The following DKK3 variants were observed in gnomAD, a reference collection of about 807,000 sequenced individuals.
DKK3 encodes dickkopf Wnt signaling pathway inhibitor 3.
A neutral mutation model predicts 33.2 loss-of-function variants in DKK3; 22 were observed. The observed-to-expected ratio is 0.66, with a 90% confidence interval of 0.47 to 0.95. DKK3 has a LOEUF of 0.95. Among genes scored for constraint, DKK3 ranks in the 40% least tolerant of loss-of-function variants. DKK3 has a pLI of 0.00. For synonymous variants in DKK3, 194 were observed against 188.8 expected (o/e 1.03, Z -0.23); for missense variants, 398 against 458.4 (o/e 0.87, Z 1.20).
At chr11:11,999,850 A>G (rs981591214) in intron 2 of DKK3, among the ~76,000 whole-genome samples, 2 of 152,226 alleles carry the variant, frequency 1.3e-5, no homozygotes, top group African/African-American at 4.8e-5. Context: ...TGCAGCCAGG[A>G]CAAAGTGGAA....
intron 3 of DKK3, 28 bp from the exon 4 acceptor site, chr11:11,968,515 G>C: frequency 6.2e-7 from 1 of 1,603,342 alleles, no homozygotes; most frequent in South Asian, 1.1e-5. Flanking sequence ...GAGCAGATGT[G>C]TCAATGGAGA....
At chr11:11,997,060 C>T (rs78647108) in intron 3 of DKK3, among the ~76,000 whole-genome samples, 2,006 of 152,328 alleles carry the variant, frequency 0.013, 32 homozygotes, top group African/African-American at 0.045. Flanking sequence ...GACTAAAAGG[C>T]ACCAACTGGA....
chr11:11,966,896 T>C (rs1590497212), intron 5 of DKK3, 58 bp downstream of exon 5: 1 of 1,591,592 alleles, frequency 6.3e-7, no homozygotes, highest in Non-Finnish European at 8.6e-7. Flanking sequence ...CTCCAGGAGG[T>C]CCAGTGTGGT....
intron 3 of DKK3, chr11:11,998,461 GA>G: frequency 1.7e-6 from 1 of 598,166 alleles, no homozygotes; most frequent in Non-Finnish European, 3.0e-6. Context: ...CCATGCAAAT[GA>G]CCACTCAATT....
intron 3 of DKK3, among the ~76,000 whole-genome samples, chr11:11,984,318 G>A (rs1007636249): frequency 2.6e-5 from 4 of 152,122 alleles, no homozygotes; most frequent in African/African-American, 7.2e-5. Flanking sequence ...AAGACCTATC[G>A]GCAACTCTGA....
upstream of DKK3, chr11:12,009,426 A>C: frequency 6.7e-6 from 6 of 898,648 alleles, no homozygotes; most frequent in Non-Finnish European, 6.5e-6. Flanking sequence ...GAGGGGCCGC[A>C]GCCCGGCCAT....
chr11:12,000,408 T>C (rs776619256), intron 2 of DKK3, among the ~76,000 whole-genome samples: 3 of 152,192 alleles, frequency 2.0e-5, no homozygotes, highest in Non-Finnish European at 4.4e-5. Context: ...GGTTTCGCCA[T>C]GTTGGCCAGG....
In DKK3 at chr11:11,964,348, A is replaced by G; in HGVS notation, c.*116T>C. ...ACCTCATGCTGTCAAGCCAGAGGGG[A>G]AACTTACTGGGAAGAAGATGTAGGA... On this transcript the variant is annotated 3_prime_UTR_variant, in exon 7 of 7. Coordinates refer to ENST00000683431, the MANE Select transcript of DKK3 (RefSeq NM_001018057.2). The G allele has an allele frequency of 7.4e-7, 1 of 1,347,692 alleles. No homozygotes were observed. Among genetic ancestry groups the G allele is most frequent in the Non-Finnish European group, 1.0e-6 (1 of 989,954 alleles). The allele number at this position is 1,347,692 out of a possible 1,614,324, so 83.5% of individuals were successfully genotyped here.
chr11:11,995,580 A>G (rs1273381072), intron 3 of DKK3, among the ~76,000 whole-genome samples: 1 of 152,270 alleles, frequency 6.6e-6, no homozygotes, highest in African/African-American at 2.4e-5. Context: ...GATGTGTGCC[A>G]TCAAAAGGGT....
chr11:11,968,691 G>A, intron 3 of DKK3: 1 of 499,316 alleles, frequency 2.0e-6, no homozygotes, highest in East Asian at 3.5e-5. Context: ...AGGAGGCTTG[G>A]CAGCCCAGAG....
chr11:12,002,635 A>C (rs760079528), intron 1 of DKK3, among the ~76,000 whole-genome samples, 198 bp from the exon 2 acceptor site: 1 of 152,194 alleles, frequency 6.6e-6, no homozygotes, highest in Non-Finnish European at 1.5e-5. Flanking sequence ...AAATTTCACA[A>C]TCTCTCTGGG....
At chr11:12,004,691 T>C (rs961009349) in intron 1 of DKK3, among the ~76,000 whole-genome samples, 4 of 152,174 alleles carry the variant, frequency 2.6e-5, no homozygotes, top group Non-Finnish European at 5.9e-5. Flanking sequence ...CCTACTTTGT[T>C]GAGTAGATAT....
chr11:11,994,835 A>T (rs138267846), intron 3 of DKK3: 2 of 152,256 alleles, frequency 1.3e-5, no homozygotes, highest in East Asian at 3.9e-4. Flanking sequence ...TCACTGCTCC[A>T]TGGGAAAAGA....
intron 4 of DKK3, among the ~76,000 whole-genome samples, chr11:11,967,813 A>G (rs1847634414): frequency 6.6e-6 from 1 of 152,184 alleles, no homozygotes; most frequent in Non-Finnish European, 1.5e-5. Context: ...TCTAACCTGC[A>G]CTGGGGCAGT....
intron 3 of DKK3, among the ~76,000 whole-genome samples, chr11:11,991,240 G>A (rs546763213): frequency 2.6e-5 from 4 of 152,296 alleles, no homozygotes; most frequent in South Asian, 4.1e-4. Flanking sequence ...TAGAAAAGAT[G>A]GCCTGGAACA....
chr11:11,988,499 C>A (rs1445415559), intron 3 of DKK3, among the ~76,000 whole-genome samples: 1 of 152,222 alleles, frequency 6.6e-6, no homozygotes, highest in African/African-American at 2.4e-5. Context: ...TCTGTTGGCA[C>A]TGTCCCCTGG....
intron 2 of DKK3, among the ~76,000 whole-genome samples, chr11:11,999,629 AAAACAAACAAAC>A (rs56999763): frequency 1.3e-5 from 2 of 151,908 alleles, no homozygotes; most frequent in Non-Finnish European, 2.9e-5. Flanking sequence ...CTCCATCTCA[AAAACAAACAAAC>A]AAACAAACAA....
rs1847504827 is a variant in DKK3, at chr11:11,963,425, A to G, written c.*1039T>C. ...CATTTATAATCCTCGCCCTACAATT[A>G]CCTAAGTACTGTTTCTGCAGGTTAA... On this transcript the variant is annotated 3_prime_UTR_variant, in exon 7 of 7. Transcript: ENST00000683431. 6.6e-6 allele frequency: 1 copy of G among 152,196 alleles called. No homozygotes were observed. The highest frequency in any genetic ancestry group is 6.5e-5 in the Admixed American group (1 of 15,278). 9.4% of individuals were successfully genotyped at this position (152,196 alleles called of 1,614,324 possible).
intron 6 of DKK3, 89 bp from the exon 7 acceptor site, chr11:11,964,775 G>T: frequency 6.5e-7 from 1 of 1,536,838 alleles, no homozygotes. Context: ...GGGGCTCCCA[G>T]CCTCACCTTC....
Sources: allele counts gnomAD v4.1 joint callset (sites outside exome capture counted in the v4.1 genomes callset), GRCh38; gene constraint gnomAD v4.1.1; transcripts MANE v1.5; gene names NCBI Gene and HGNC (gene_info 2026-07-23, HGNC 2026-07-21).